Variants in FAM219A observed in about 807,000 individuals in gnomAD.
The protein encoded by FAM219A is family with sequence similarity 219 member A.
In FAM219A, 7 loss-of-function variants were observed where a neutral mutation model predicts 23.4. The observed-to-expected ratio is 0.30, with a 90% CI of 0.17 to 0.56. The LOEUF (loss-of-function observed/expected upper bound fraction) is 0.56, where lower values mean the gene tolerates loss of function less well. Among genes scored for constraint, FAM219A ranks in the 20% least tolerant of loss-of-function variants. The probability of loss-of-function intolerance (pLI) is 0.92; values close to 1 mark genes in which losing one functional copy is unlikely to be tolerated. For synonymous variants in FAM219A, 93 were observed against 99.0 expected (o/e 0.94, Z 0.36); for missense variants, 166 against 246.9 (o/e 0.67, Z 2.20).
intron 1 of FAM219A, among the ~76,000 whole-genome samples, chr9:34,408,320 A>G (rs1467742556): frequency 6.6e-6 from 1 of 152,232 alleles, no homozygotes; most frequent in East Asian, 1.9e-4. Flanking sequence ...GCCTCTCTGC[A>G]GCCAAAACAG....
rs1191201627 is a variant in FAM219A, at chr9:34,398,278, A to G, written c.*2686T>C. On this transcript the variant is annotated 3_prime_UTR_variant, in exon 6 of 6. Coordinates refer to ENST00000651358, the MANE Select transcript of FAM219A (RefSeq NM_001184940.2). ...CTGCAATGAAAATGTTAAAAAAAAT[A>G]TTATACACGGCTCATGTCTTCCACA... The G allele has an allele frequency of 1.3e-6, 2 of 1,550,556 alleles. No individual in the cohort carries two copies. The highest frequency in any genetic ancestry group is 2.7e-5 in the African/African-American group (2 of 73,048).
chr9:34,409,388 G>A (rs1821747729), intron 1 of FAM219A, among the ~76,000 whole-genome samples: 1 of 152,222 alleles, frequency 6.6e-6, no homozygotes, highest in South Asian at 2.1e-4. Flanking sequence ...ACTCCAGGCA[G>A]AAGGAAGTGC....
intron 1 of FAM219A, among the ~76,000 whole-genome samples, chr9:34,449,606 C>G (rs1823490911): frequency 6.6e-6 from 1 of 152,158 alleles, no homozygotes; most frequent in Non-Finnish European, 1.5e-5. Context: ...TTTAAAAGAA[C>G]TAGGAAGACT....
At position 34,431,260 on chromosome 9, in the gene FAM219A, C is replaced by T. The variant is rs533007724; in HGVS notation, c.61-25296G>A. Among the ~76,000 whole-genome samples the T allele has an allele frequency of 1.1e-4, 17 of 152,246 alleles. 1 individual carries two copies. The South Asian group carries it at 3.3e-3, about 30-fold the overall frequency. ...GAAGCTCAGGATAAAATAGACCTGG[C>T]TTGGGGACAAAGTGGCCATAGGGGA... is the stretch of plus-strand genomic sequence containing the variant. On this transcript the variant is annotated intron_variant, in intron 1 of 5. Coordinates refer to ENST00000651358, the MANE Select transcript of FAM219A (RefSeq NM_001184940.2).
At position 34,405,943 on chromosome 9, in the gene FAM219A, A is replaced by G. The variant is rs1821619958; in HGVS notation, c.82T>C (p.Ser28Pro). Residue 28 changes from serine (S) to proline (P), a missense_variant, in exon 2 of 6, where the codon TCT becomes CCT. By Grantham distance (74) the Ser-to-Pro change is moderately conservative. Around this residue, in one of 3 missense-constraint regions of FAM219A, gnomAD observed 89 missense variants for 98.8 expected, o/e 0.90. Transcript: ENST00000651358. ...QPLDPAAASISDGDCDAREGE... is the reference protein window; with the variant it reads ...QPLDPAAASIPDGDCDAREGE... ...TCCCGGGCGTCACAGTCTCCGTCAG[A>G]GATGGAGGCGGCGGCTGGGTCCTGT... 7 of 1,612,900 alleles carry G rather than the reference A, an allele frequency of 4.3e-6. No individual in the cohort carries two copies. Among genetic ancestry groups the G allele is most frequent in the Non-Finnish European group, 5.9e-6 (7 of 1,179,334 alleles).
At chr9:34,407,554 A>G (rs1821682811) in intron 1 of FAM219A, among the ~76,000 whole-genome samples, 1 of 152,196 alleles carries the variant, frequency 6.6e-6, no homozygotes, top group African/African-American at 2.4e-5. Flanking sequence ...GATGGAGTCA[A>G]TAACCTTTCA....
chr9:34,446,197 G>A (rs912933708), intron 1 of FAM219A, among the ~76,000 whole-genome samples: 2 of 151,550 alleles, frequency 1.3e-5, no homozygotes, highest in African/African-American at 4.8e-5. Context: ...AATGCGGGGC[G>A]GGGGGAATTA....
chr9:34,414,616 G>T (rs555762772), intron 1 of FAM219A, among the ~76,000 whole-genome samples: 1 of 152,232 alleles, frequency 6.6e-6, no homozygotes, highest in Non-Finnish European at 1.5e-5. Context: ...AGGTCTTTGT[G>T]GGAGATCTGG....
chr9:34,442,614 G>A (rs908301297), intron 1 of FAM219A, among the ~76,000 whole-genome samples: 1 of 151,754 alleles, frequency 6.6e-6, no homozygotes, highest in Non-Finnish European at 1.5e-5. Context: ...GAACCTGGGA[G>A]GCAAAGGTTG....
intron 1 of FAM219A, among the ~76,000 whole-genome samples, chr9:34,428,170 T>C (rs1480500601): frequency 1.3e-5 from 2 of 152,198 alleles, no homozygotes; most frequent in South Asian, 4.1e-4. Flanking sequence ...CCTCTGTCTG[T>C]TCAAAGTGCT....
At chr9:34,447,646 C>T (rs1823419705) in intron 1 of FAM219A, among the ~76,000 whole-genome samples, 1 of 152,202 alleles carries the variant, frequency 6.6e-6, no homozygotes, top group Non-Finnish European at 1.5e-5. Context: ...TTCCTTCTTG[C>T]TTCTTTGGTC....
At chr9:34,430,979 G>A (rs1004467685) in intron 1 of FAM219A, among the ~76,000 whole-genome samples, 1 of 152,230 alleles carries the variant, frequency 6.6e-6, no homozygotes, top group Admixed American at 6.5e-5. Context: ...GTCCTTGGAG[G>A]CTCTGGGCAA....
intron 1 of FAM219A, among the ~76,000 whole-genome samples, chr9:34,436,494 C>A (rs183443265): frequency 5.3e-5 from 8 of 152,196 alleles, no homozygotes; most frequent in African/African-American, 1.9e-4. Context: ...AATCCTCCCA[C>A]CTCGGCCTCC....
At chr9:34,441,639 A>G (rs1055932198) in intron 1 of FAM219A, among the ~76,000 whole-genome samples, 1 of 152,204 alleles carries the variant, frequency 6.6e-6, no homozygotes, top group Non-Finnish European at 1.5e-5. Context: ...TTGCTGTACA[A>G]ATGTGAAGGA....
intron 1 of FAM219A, 104 bp from the exon 2 acceptor site, chr9:34,406,068 G>A: frequency 8.4e-7 from 1 of 1,190,646 alleles, no homozygotes; most frequent in Non-Finnish European, 1.2e-6. Context: ...GGGCTTCTGT[G>A]AGCATTCACC....
intron 1 of FAM219A, among the ~76,000 whole-genome samples, chr9:34,448,117 C>T (rs184415038): frequency 2.0e-4 from 30 of 152,234 alleles, no homozygotes; most frequent in Admixed American, 1.6e-3. Context: ...GCAATCCTCC[C>T]GCCTTGGCCT....
intron 1 of FAM219A, among the ~76,000 whole-genome samples, chr9:34,428,687 C>A (rs1003205555): frequency 2.0e-5 from 3 of 152,246 alleles, no homozygotes; most frequent in Non-Finnish European, 4.4e-5. Flanking sequence ...AAACACTGGG[C>A]ACCTTTGCCC....
Position 34,402,152 on chromosome 9 carries a change from T to A in FAM219A, c.344+235A>T, listed in dbSNP as rs998855345. On this transcript the variant is annotated intron_variant, in intron 4 of 5. Coordinates refer to ENST00000651358, the MANE Select transcript of FAM219A (RefSeq NM_001184940.2). Reference sequence around the variant, plus strand: ...CAATTAGGGACAACCATTGGATCAGTTGTCCCAGGATGACAGCAGACAACG... The same window carrying A: ...CAATTAGGGACAACCATTGGATCAGATGTCCCAGGATGACAGCAGACAACG... 20 of 1,461,432 alleles carry A rather than the reference T, an allele frequency of 1.4e-5. No homozygotes were observed. In the Admixed American group the frequency reaches 2.9e-4, roughly 21 times the overall value. The allele number at this position is 1,461,432 out of a possible 1,614,324, so 90.5% of individuals were successfully genotyped here.
intron 4 of FAM219A, 149 bp from the exon 5 acceptor site, chr9:34,401,869 T>C: frequency 1.1e-6 from 1 of 917,128 alleles, no homozygotes; most frequent in Non-Finnish European, 1.7e-6. Context: ...GCTGTGCAAA[T>C]GCAGGATTTT....
Sources: gnomAD v4.1 joint callset for allele counts (sites outside exome capture counted in the v4.1 genomes callset) on GRCh38, gnomAD v4.1.1 for gene constraint, gnomAD v4.1.1 regional missense constraint, MANE v1.5 for transcripts, NCBI Gene and HGNC (gene_info 2026-07-23, HGNC 2026-07-21) for gene names.